Variants in WWOX observed in about 807,000 individuals in gnomAD.
The protein encoded by WWOX is WW domain-containing oxidoreductase.
WWOX carries 69 observed loss-of-function variants against 46.2 expected under a neutral mutation model. The ratio of observed to expected loss-of-function variants is 1.49; its 90% CI spans 1.23 to 1.82. The LOEUF is 1.82. WWOX is among the 40% of genes most tolerant of loss of function. The pLI, the probability that WWOX is intolerant of heterozygous loss-of-function variation, is 0.00. For synonymous variants in WWOX, 359 were observed against 202.6 expected (o/e 1.77, Z -6.56); for missense variants, 919 against 542.6 (o/e 1.69, Z -6.89).
rs1201677992 is a variant in WWOX, at chr16:78,907,346, A to T, written c.1057-304262A>T. On this transcript the variant is annotated intron_variant, in intron 8 of 8. Coordinates refer to ENST00000566780, the MANE Select transcript of WWOX (RefSeq NM_016373.4). ...ACCTTAGGTTCTACAAAGTGATGTT[A>T]TCTGCAGGAATAATTGGGGAAATTG... Among the ~76,000 whole-genome samples, 6 of 152,196 alleles carry T rather than the reference A, an allele frequency of 3.9e-5. No individual in the cohort carries two copies. In the East Asian group the frequency reaches 1.2e-3, roughly 29 times the overall value.
intron 5 of WWOX, among the ~76,000 whole-genome samples, chr16:78,370,130 CAAA>C (rs749015478): frequency 0.049 from 3,696 of 75,780 alleles, 45 homozygotes; most frequent in East Asian, 0.14. Context: ...AGACTGTCTC[CAAA>C]AAAAAAAAAA....
chr16:78,548,360 T>A (rs139061950), intron 8 of WWOX, among the ~76,000 whole-genome samples: 1 of 152,070 alleles, frequency 6.6e-6, no homozygotes, highest in Non-Finnish European at 1.5e-5. Context: ...AAATCCAGAT[T>A]GCTTAGAAAA....
intron 8 of WWOX, among the ~76,000 whole-genome samples, chr16:78,984,025 C>T (rs2046735995): frequency 6.6e-6 from 1 of 151,698 alleles, no homozygotes; most frequent in South Asian, 2.1e-4. Flanking sequence ...CTACAGGCGC[C>T]TGCCACCATG....
chr16:78,508,038 T>G (rs1425100545), intron 8 of WWOX, among the ~76,000 whole-genome samples: 1 of 149,844 alleles, frequency 6.7e-6, no homozygotes, highest in Non-Finnish European at 1.5e-5. Context: ...GACGGAGTCT[T>G]GCTCTGTCAC....
intron 8 of WWOX, chr16:78,825,642 C>T (rs369172056): frequency 2.5e-5 from 13 of 519,304 alleles, no homozygotes; most frequent in African/African-American, 1.9e-4. Flanking sequence ...CGATGGTGGG[C>T]TGTGGTTCAT....
At chr16:78,912,955 C>T (rs1011860897) in intron 8 of WWOX, among the ~76,000 whole-genome samples, 8 of 152,012 alleles carry the variant, frequency 5.3e-5, no homozygotes, top group Admixed American at 6.6e-5. Context: ...ACGGTCCATT[C>T]TGAGGGCTCC....
At chr16:78,983,870 C>CTTT (rs760130115) in intron 8 of WWOX, among the ~76,000 whole-genome samples, 25,567 of 79,788 alleles carry the variant, frequency 0.32, 6,680 homozygotes, top group Non-Finnish European at 0.37. Flanking sequence ...GAGAGCTATT[C>CTTT]TTTTTTTTTT....
At chr16:78,180,117 G>T (rs928651569) in intron 5 of WWOX, among the ~76,000 whole-genome samples, 19 of 152,210 alleles carry the variant, frequency 1.2e-4, no homozygotes, top group African/African-American at 4.3e-4. Flanking sequence ...CTTGTAGCTT[G>T]TTGAAGAAAG....
intron 8 of WWOX, among the ~76,000 whole-genome samples, chr16:78,970,905 C>T (rs1054358850): frequency 2.6e-5 from 4 of 152,186 alleles, no homozygotes; most frequent in African/African-American, 9.6e-5. Context: ...TTGTTTGCTT[C>T]TGTCTTTTGC....
At chr16:78,627,955 G>A (rs2046347302) in intron 8 of WWOX, among the ~76,000 whole-genome samples, 1 of 152,218 alleles carries the variant, frequency 6.6e-6, no homozygotes, top group Non-Finnish European at 1.5e-5. Context: ...CACCTGTTGA[G>A]AGCTCTGTTG....
At chr16:78,684,562 C>T (rs1347559676) in intron 8 of WWOX, among the ~76,000 whole-genome samples, 1 of 152,164 alleles carries the variant, frequency 6.6e-6, no homozygotes, top group Non-Finnish European at 1.5e-5. Context: ...TCAGGCTGTG[C>T]CTCACAGCTG....
In WWOX at chr16:78,875,895, T is replaced by C. The variant is rs1033642235; in HGVS notation, c.1057-335713T>C. 5.1e-4 allele frequency among the ~76,000 whole-genome samples: 77 copies of C among 152,356 alleles called. 1 individual carries two copies. The highest frequency in any genetic ancestry group is 1.9e-4 in the East Asian group (1 of 5,186). On this transcript the variant is annotated intron_variant, in intron 8 of 8. Transcript: ENST00000566780. Reference sequence around the variant, plus strand: ...TTTATTGCTTAGTAGAAACTTGTTCTAATTCTTTCTCCTGATACCATTTAG... The same window carrying C: ...TTTATTGCTTAGTAGAAACTTGTTCCAATTCTTTCTCCTGATACCATTTAG...
At chr16:78,809,326 A>G (rs1332281002) in intron 8 of WWOX, among the ~76,000 whole-genome samples, 10 of 151,712 alleles carry the variant, frequency 6.6e-5, no homozygotes, top group Admixed American at 1.3e-4. Context: ...AAAAAAAAAA[A>G]AAAGAAAAAA....
rs1195368309 is a variant in WWOX at position 78,425,003 on chromosome 16, T to C, written c.739T>C (p.Leu247=). The C allele has an allele frequency of 1.7e-5, 28 of 1,613,982 alleles. No individual in the cohort carries two copies. The highest frequency in any genetic ancestry group is 1.7e-4 in the Middle Eastern group (1 of 6,060). The change falls in exon 7 of 9, where the codon TTG becomes CTG. Residue 247 remains leucine, a synonymous_variant. Coordinates refer to ENST00000566780, the MANE Select transcript of WWOX (RefSeq NM_016373.4). ...CCTTGTCCAGCTCCTCCAGGATGTT[T>C]TGTGCCGCTCAGCTCCTGCCCGTGT... ...FYLVQLLQDV[L]CRSAPARVIV...
At chr16:78,508,350 C>T (rs1324843434) in intron 8 of WWOX, among the ~76,000 whole-genome samples, 1 of 120,720 alleles carries the variant, frequency 8.3e-6, no homozygotes. Context: ...TAACGCTCAT[C>T]AGCTATTGTT....
chr16:78,369,665 A>G lies in WWOX; in HGVS notation c.517-17195A>G, dbSNP rs578250945. 3.6e-4 allele frequency among the ~76,000 whole-genome samples: 55 copies of G among 152,004 alleles called. 1 individual carries two copies. In the South Asian group the frequency reaches 4.6e-3, roughly 13 times the overall value. Reference sequence around the variant, plus strand: ...TGTTATCCATCCTATTGTGGGACCAATTTCTCCAGAAAGGTCTCTCTCGGT... The same window carrying G: ...TGTTATCCATCCTATTGTGGGACCAGTTTCTCCAGAAAGGTCTCTCTCGGT... On this transcript the variant is annotated intron_variant, in intron 5 of 8. Transcript: ENST00000566780.
intron 8 of WWOX, among the ~76,000 whole-genome samples, chr16:78,971,059 A>G (rs891406892): frequency 6.6e-6 from 1 of 152,016 alleles, no homozygotes; most frequent in South Asian, 2.1e-4. Context: ...CAGGGTGTAT[A>G]TATATATGTA....
chr16:78,597,674 T>G (rs2045522483), intron 8 of WWOX, among the ~76,000 whole-genome samples: 1 of 151,950 alleles, frequency 6.6e-6, no homozygotes, highest in Non-Finnish European at 1.5e-5. Flanking sequence ...ACCCCTAAAT[T>G]GTGGTGCCTC....
chr16:79,149,873 G>A lies in WWOX; in HGVS notation c.1057-61735G>A, dbSNP rs117003430. Among the ~76,000 whole-genome samples, 1,406 of 152,174 alleles carry A rather than the reference G, an allele frequency of 9.2e-3. 10 individuals carry two copies. The highest frequency in any genetic ancestry group is 0.013 in the Non-Finnish European group (894 of 68,022). On this transcript the variant is annotated intron_variant, in intron 8 of 8. Transcript: ENST00000566780. ...AGTATGGGTTTGGTGGATCACACAG[G>A]GATTCAGATAAGAGGGTTCAGATCC...
Sources: gnomAD v4.1 joint callset for allele counts (sites outside exome capture counted in the v4.1 genomes callset) on GRCh38, gnomAD v4.1.1 for gene constraint, MANE v1.5 for transcripts, NCBI Gene and HGNC (gene_info 2026-07-23, HGNC 2026-07-21) for gene names.